The following TMCO1 variants were observed in gnomAD, a reference collection of about 807,000 sequenced individuals.
The protein encoded by TMCO1 is transmembrane and coiled-coil domains 1.
TMCO1 carries 29 observed loss-of-function variants against 29.3 expected under a neutral mutation model. The ratio of observed to expected loss-of-function variants is 0.99; its 90% CI spans 0.74 to 1.35. TMCO1 has a LOEUF of 1.35. TMCO1 is among the 40% of genes most tolerant of loss of function. The pLI is 0.00. For missense variants in TMCO1, 173 were observed against 225.5 expected (o/e 0.77, Z 1.49); for synonymous variants, 80 against 77.1 (o/e 1.04, Z -0.20).
At chr1:165,741,340 TAATA>T (rs1346928718) in intron 6 of TMCO1, among the ~76,000 whole-genome samples, 7 of 152,232 alleles carry the variant, frequency 4.6e-5, no homozygotes, top group Non-Finnish European at 7.3e-5. Flanking sequence ...TACACTATTA[TAATA>T]GTCTTTTGAT....
chr1:165,752,082 G>A lies in TMCO1; in HGVS notation c.323+20C>T, dbSNP rs1371142738. On this transcript the variant is annotated intron_variant, in intron 5 of 6. Coordinates refer to ENST00000367881, the MANE Select transcript of TMCO1 (RefSeq NM_019026.6). ...ATAGAGTAATAGTTATTAGTCAAAA[G>A]CATATAAAAGGACACTCACATGGAA... The A allele has an allele frequency of 9.5e-6, 15 of 1,583,490 alleles. No homozygotes were observed. The highest frequency in any genetic ancestry group is 1.3e-5 in the Non-Finnish European group (15 of 1,152,444).
intron 5 of TMCO1, among the ~76,000 whole-genome samples, chr1:165,747,079 G>A (rs1651825395): frequency 6.6e-6 from 1 of 151,996 alleles, no homozygotes; most frequent in African/African-American, 2.4e-5. Context: ...TGGCCAACAT[G>A]GTGAAACCCC....
chr1:165,753,174 C>T lies in TMCO1; in HGVS notation c.256-1005G>A, dbSNP rs7548595. On this transcript the variant is annotated intron_variant, in intron 4 of 6. Transcript: ENST00000367881. The stretch of plus-strand genomic sequence containing the variant: ...ATGCCAGATACTGAGAACAAAAGGT[C>T]TCTTAAAGAACAAAAGAGCCAGGCA... Among the ~76,000 whole-genome samples the T allele has an allele frequency of 6.7e-3, 1,014 of 152,102 alleles. 16 individuals carry two copies. The highest frequency in any genetic ancestry group is 0.022 in the African/African-American group (916 of 41,512).
At chr1:165,742,876 C>A (rs1651646889) in intron 6 of TMCO1, among the ~76,000 whole-genome samples, 1 of 152,164 alleles carries the variant, frequency 6.6e-6, no homozygotes, top group South Asian at 2.1e-4. Flanking sequence ...CAAACCCACT[C>A]TCTACTTTTG....
intron 6 of TMCO1, among the ~76,000 whole-genome samples, chr1:165,739,947 C>T (rs73020550): frequency 0.013 from 2,019 of 151,770 alleles, 54 homozygotes; most frequent in African/African-American, 0.047. Context: ...CCTGTCTCTA[C>T]TAAAAATATA....
intron 4 of TMCO1, 83 bp from the exon 5 acceptor site, chr1:165,752,252 A>ATTTTT (rs773982057): frequency 1.9e-5 from 8 of 427,938 alleles, no homozygotes; most frequent in Middle Eastern, 5.9e-4. Context: ...GTTTCATGTC[A>ATTTTT]TTTTTTTTTT....
At chr1:165,734,937 C>T (rs560138387) in intron 6 of TMCO1, among the ~76,000 whole-genome samples, 5 of 152,164 alleles carry the variant, frequency 3.3e-5, no homozygotes, top group African/African-American at 9.6e-5. Context: ...GGGTAGAAAA[C>T]GGAAGCTCCC....
intron 6 of TMCO1, among the ~76,000 whole-genome samples, chr1:165,729,847 T>C (rs1651071479): frequency 1.3e-5 from 2 of 152,154 alleles, no homozygotes; most frequent in South Asian, 4.1e-4. Context: ...AGTTCTGCTC[T>C]TCAGAACAAA....
At chr1:165,741,363 AT>A (rs1393799229) in intron 6 of TMCO1, among the ~76,000 whole-genome samples, 1 of 152,092 alleles carries the variant, frequency 6.6e-6, no homozygotes, top group Non-Finnish European at 1.5e-5. Flanking sequence ...ATATTTCTGT[AT>A]TTTAGTCATG....
downstream of TMCO1, chr1:165,724,340 G>T (rs1185630644): frequency 8.8e-6 from 4 of 453,202 alleles, no homozygotes; most frequent in Non-Finnish European, 1.8e-5. Context: ...ATCAAAAGCT[G>T]CTCGCATTAC....
downstream of TMCO1, chr1:165,726,197 C>T (rs1472896511): frequency 1.4e-6 from 1 of 698,762 alleles, no homozygotes; most frequent in Non-Finnish European, 2.6e-6. Context: ...TTAGAGTGGT[C>T]AATGATATGG....
At chr1:165,746,614 A>T (rs2101801694) in intron 5 of TMCO1, among the ~76,000 whole-genome samples, 1 of 152,304 alleles carries the variant, frequency 6.6e-6, no homozygotes, top group Middle Eastern at 3.4e-3. Context: ...TCTATTAAGG[A>T]TAACATATCA....
At chr1:165,749,284 T>C (rs975874359) in intron 5 of TMCO1, among the ~76,000 whole-genome samples, 1 of 67,678 alleles carries the variant, frequency 1.5e-5, no homozygotes, top group Non-Finnish European at 2.8e-5. Context: ...TTTATAAAAC[T>C]CCATATATGA....
intron 6 of TMCO1, among the ~76,000 whole-genome samples, chr1:165,740,010 G>A (rs1356934314): frequency 2.0e-5 from 3 of 151,670 alleles, no homozygotes; most frequent in African/African-American, 4.8e-5. Context: ...TTCTTGGGAG[G>A]CTGAGGCAGG....
At chr1:165,732,499 C>CTATA (rs1358450479) in intron 6 of TMCO1, among the ~76,000 whole-genome samples, 4 of 141,236 alleles carry the variant, frequency 2.8e-5, no homozygotes, top group African/African-American at 1.2e-4. Flanking sequence ...CTCTCTCTCT[C>CTATA]TCTCTCTATA....
intron 6 of TMCO1, among the ~76,000 whole-genome samples, chr1:165,742,616 T>C (rs887520534): frequency 8.8e-5 from 13 of 148,212 alleles, no homozygotes; most frequent in African/African-American, 3.5e-4. Flanking sequence ...TCTAAACCTT[T>C]CTGCCTGAAC....
chr1:165,756,207 G>C (rs1187659369), intron 3 of TMCO1, among the ~76,000 whole-genome samples: 1 of 152,124 alleles, frequency 6.6e-6, no homozygotes, highest in Non-Finnish European at 1.5e-5. Context: ...AAAATACTGA[G>C]ATAGAACCCA....
chr1:165,726,452 C>T (rs556653014), downstream of TMCO1: 1 of 574,046 alleles, frequency 1.7e-6, no homozygotes, highest in Admixed American at 2.2e-5. Context: ...CATGAGGAGG[C>T]TGTAATATAG....
chr1:165,765,557 C>T (rs550458162), intron 2 of TMCO1, among the ~76,000 whole-genome samples: 1 of 152,370 alleles, frequency 6.6e-6, no homozygotes, highest in South Asian at 2.1e-4. Flanking sequence ...GCTGGGATTA[C>T]AGGCCTGAGC....
Sources: allele counts gnomAD v4.1 joint callset (sites outside exome capture counted in the v4.1 genomes callset), GRCh38; gene constraint gnomAD v4.1.1; transcripts MANE v1.5; gene names NCBI Gene and HGNC (gene_info 2026-07-23, HGNC 2026-07-21).